SERF2: variants seen among roughly 807,000 people sequenced by gnomAD.
The protein encoded by SERF2 is gastric cancer-related protein VRG107.
A neutral mutation model predicts 10.7 loss-of-function variants in SERF2; 4 were observed. The observed-to-expected ratio is 0.37, with a 90% confidence interval of 0.18 to 0.86. SERF2 has a LOEUF of 0.86. SERF2 is among the 40% of genes least tolerant of loss of function. The probability of loss-of-function intolerance (pLI) is 0.43; values close to 1 mark genes in which losing one functional copy is unlikely to be tolerated. For missense variants in SERF2, 47 were observed against 79.1 expected (o/e 0.59, Z 1.54); for synonymous variants, 26 against 26.0 (o/e 1.00, Z 0.01).
rs775680691 is a variant in SERF2 at position 43,792,330 on chromosome 15, A to G, written c.-47A>G. 6.6e-7 allele frequency: 1 copy of G among 1,504,136 alleles called. No homozygotes were observed. The highest frequency in any genetic ancestry group is 1.7e-5 in the Admixed American group (1 of 59,898). The allele number at this position is 1,504,136 out of a possible 1,614,324, so 93.2% of individuals were successfully genotyped here. A position where few individuals can be genotyped will look rare whatever the true frequency, so the allele number is the denominator to read the frequency against. ...AGGGGCGGGACCTGCAACGTCCGAC[A>G]GAACGAGGGGACGTAACGGAGGCAG... is the stretch of plus-strand genomic sequence containing the variant. On this transcript the variant is annotated 5_prime_UTR_variant, in exon 1 of 3. Transcript: ENST00000249786.
Position 43,795,545 on chromosome 15 carries a change from G to A in SERF2, c.*1772G>A, listed in dbSNP as rs768347596. The A allele has an allele frequency of 1.2e-6, 2 of 1,614,132 alleles. No homozygotes were observed. Among genetic ancestry groups the A allele is most frequent in the Non-Finnish European group, 1.7e-6 (2 of 1,180,012 alleles). On this transcript the variant is annotated 3_prime_UTR_variant, in exon 3 of 3. Transcript: ENST00000249786. The stretch of plus-strand genomic sequence containing the variant: ...CTCGCAGCCCCACCCCTTTGCCCTG[G>A]AGAGAGGAAATGGCTGCTGGGAGCA...
At chr15:43,778,757 C>G (rs2141665414) in intron 1 of SERF2, among the ~76,000 whole-genome samples, 1 of 151,932 alleles carries the variant, frequency 6.6e-6, no homozygotes, top group East Asian at 1.9e-4. Flanking sequence ...AAAAAATTAA[C>G]CAGGTGTGGT....
In SERF2 at chr15:43,795,110, GC is replaced by G; in HGVS notation, c.*1341del. The stretch of plus-strand genomic sequence containing the variant: ...GGCCAACAGAGTGGTGCCAGTAACA[GC>G]CCCAGATAGAGGAGTACGCAGGCCC... On this transcript the variant is annotated 3_prime_UTR_variant, in exon 3 of 3. Transcript: ENST00000249786. The G allele has an allele frequency of 6.2e-7, 1 of 1,614,058 alleles. No individual in the cohort carries two copies. The highest frequency in any genetic ancestry group is 8.5e-7 in the Non-Finnish European group (1 of 1,179,994).
chr15:43,795,856 A>G lies in SERF2; in HGVS notation c.*2083A>G, dbSNP rs188997599. 5.1e-6 allele frequency: 5 copies of G among 980,758 alleles called. No individual in the cohort carries two copies. In the African/African-American group the frequency reaches 8.2e-5, roughly 16 times the overall value. The allele number at this position is 980,758 out of a possible 1,614,324, so 60.8% of individuals were successfully genotyped here. A position where few individuals can be genotyped will look rare whatever the true frequency, so the allele number is the denominator to read the frequency against. On this transcript the variant is annotated 3_prime_UTR_variant, in exon 3 of 3. Coordinates refer to ENST00000249786, the MANE Select transcript of SERF2 (RefSeq NM_001018108.4). ...AAAAGTGGAGGCACACCTGGGTTCA[A>G]ATTCTAGCTCCAGCATATAAGTGGC...
chr15:43,789,390 G>A (rs2087034612), upstream of SERF2, among the ~76,000 whole-genome samples: 1 of 152,106 alleles, frequency 6.6e-6, no homozygotes, highest in African/African-American at 2.4e-5. Context: ...CACACGTGCT[G>A]TTCCCTCCTG....
chr15:43,793,130 G>T, intron 2 of SERF2, 47 bp downstream of exon 2: 1 of 1,249,580 alleles, frequency 8.0e-7, no homozygotes, highest in South Asian at 1.2e-5. Context: ...ACCTGGGTTA[G>T]ACCAAGGGTT....
At chr15:43,792,729 G>C (rs2087094019) in intron 1 of SERF2, 1 of 910,800 alleles carries the variant, frequency 1.1e-6, no homozygotes, top group Non-Finnish European at 1.6e-6. Flanking sequence ...TGGGCCCCAC[G>C]CCGCCCCAAA....
rs747047754 is a variant in SERF2 at position 43,795,141 on chromosome 15, T to C, written c.*1368T>C. On this transcript the variant is annotated 3_prime_UTR_variant, in exon 3 of 3. Transcript: ENST00000249786. ...GATAGAGGAGTACGCAGGCCCAGCA[T>C]GAGGCAACCTTGACCCAGAAGGTGG... 1 of 1,614,152 alleles carries C rather than the reference T, an allele frequency of 6.2e-7. No homozygotes were observed. The highest frequency in any genetic ancestry group is 8.5e-7 in the Non-Finnish European group (1 of 1,180,036).
chr15:43,790,141 C>CA (rs1181656395), upstream of SERF2, among the ~76,000 whole-genome samples: 769 of 105,022 alleles, frequency 7.3e-3, 5 homozygotes, highest in East Asian at 0.051. Flanking sequence ...GACTCCATCT[C>CA]AAAAAAAAAA....
Position 43,795,486 on chromosome 15 carries a change from T to A in SERF2, c.*1713T>A. On this transcript the variant is annotated 3_prime_UTR_variant, in exon 3 of 3. Coordinates refer to ENST00000249786, the MANE Select transcript of SERF2 (RefSeq NM_001018108.4). ...TGTAGGAAAGATGCTGGACTTGGAC[T>A]GGAGGAGCTGGAGGGGTTTCTTGGT... The A allele has an allele frequency of 6.2e-7, 1 of 1,614,200 alleles. No individual in the cohort carries two copies. Among genetic ancestry groups the A allele is most frequent in the Non-Finnish European group, 8.5e-7 (1 of 1,180,030 alleles).
chr15:43,784,675 C>A (rs2086991044), intron 1 of SERF2, among the ~76,000 whole-genome samples: 1 of 151,822 alleles, frequency 6.6e-6, no homozygotes, highest in Non-Finnish European at 1.5e-5. Flanking sequence ...TCACCATGGT[C>A]TCGATCTCCT....
At chr15:43,785,072 C>T (rs2086995288) in intron 1 of SERF2, among the ~76,000 whole-genome samples, 1 of 125,662 alleles carries the variant, frequency 8.0e-6, no homozygotes, top group African/African-American at 2.9e-5. Flanking sequence ...TTATTTATTA[C>T]TTTTTTTTTT....
At chr15:43,781,737 A>G (rs1247704823) in intron 1 of SERF2, among the ~76,000 whole-genome samples, 1 of 151,568 alleles carries the variant, frequency 6.6e-6, no homozygotes, top group African/African-American at 2.4e-5. Context: ...GCATGCCACC[A>G]TGCCTGGCTG....
chr15:43,777,783 C>G (rs2086932244), intron 1 of SERF2, among the ~76,000 whole-genome samples: 1 of 152,026 alleles, frequency 6.6e-6, no homozygotes, highest in Admixed American at 6.6e-5. Context: ...TCTGGCCAGC[C>G]CTTGGTGTCT....
chr15:43,787,291 G>A (rs1344071867), intron 2 of SERF2, among the ~76,000 whole-genome samples: 2 of 151,778 alleles, frequency 1.3e-5, no homozygotes, highest in East Asian at 3.9e-4. Context: ...GAGCCACCAC[G>A]CCCGGCCAGG....
At chr15:43,785,704 C>CTTTTTTT (rs71415810) in intron 2 of SERF2, among the ~76,000 whole-genome samples, 253 of 122,572 alleles carry the variant, frequency 2.1e-3, no homozygotes, top group African/African-American at 3.7e-3. Flanking sequence ...TTTTCTTTTT[C>CTTTTTTT]TTTTTTTTTT....
intron 1 of SERF2, among the ~76,000 whole-genome samples, chr15:43,783,801 G>A (rs1292684477): frequency 6.0e-5 from 9 of 150,576 alleles, no homozygotes; most frequent in African/African-American, 1.2e-4. Context: ...TTCCTCTGTC[G>A]TCCAGGCTGG....
upstream of SERF2, among the ~76,000 whole-genome samples, chr15:43,789,537 C>T (rs1178513987): frequency 6.6e-6 from 1 of 152,124 alleles, no homozygotes; most frequent in Non-Finnish European, 1.5e-5. Flanking sequence ...TTCATAGCAC[C>T]AGCAGTACTA....
Position 43,795,758 on chromosome 15 carries a change from T to G in SERF2, c.*1985T>G, listed in dbSNP as rs780841671. On this transcript the variant is annotated 3_prime_UTR_variant, in exon 3 of 3. Coordinates refer to ENST00000249786, the MANE Select transcript of SERF2 (RefSeq NM_001018108.4). ...GCTTCTGCAAAACAGAACGCAGGTT[T>G]TGGAATGGTCTTAAAAGATGTGAGG... The G allele has an allele frequency of 6.2e-7, 1 of 1,612,376 alleles. No homozygotes were observed. Among genetic ancestry groups the G allele is most frequent in the Non-Finnish European group, 8.5e-7 (1 of 1,179,034 alleles).
Sources: allele counts gnomAD v4.1 joint callset (sites outside exome capture counted in the v4.1 genomes callset), GRCh38; gene constraint gnomAD v4.1.1; transcripts MANE v1.5; gene names NCBI Gene and HGNC (gene_info 2026-07-23, HGNC 2026-07-21).